Variants in PHLDB2 observed in about 807,000 individuals in gnomAD.
PHLDB2 encodes pleckstrin homology-like domain family B member 2.
Under a neutral mutation model 123.6 loss-of-function variants are expected in PHLDB2, and 71 were observed. The ratio of observed to expected loss-of-function variants is 0.57; its 90% CI spans 0.47 to 0.70. PHLDB2 has a LOEUF of 0.70. Ranked by LOEUF, PHLDB2 falls within the 30% of genes least tolerant of loss-of-function variation. The pLI is 0.00. For missense variants in PHLDB2, 1,446 were observed against 1,519.5 expected (o/e 0.95, Z 0.80); for synonymous variants, 547 against 541.6 (o/e 1.01, Z -0.14).
intron 1 of PHLDB2, among the ~76,000 whole-genome samples, chr3:111,879,121 G>A (rs1158587786): frequency 1.3e-5 from 2 of 152,172 alleles, no homozygotes; most frequent in Admixed American, 1.3e-4. Flanking sequence ...AGTTTCAGAA[G>A]GAATGGTACC....
At chr3:111,855,631 T>C (rs1275310289), upstream of PHLDB2, among the ~76,000 whole-genome samples, 1 of 86,804 alleles carries the variant, frequency 1.2e-5, no homozygotes, top group Non-Finnish European at 2.8e-5. Flanking sequence ...GCATTTGTCT[T>C]TTTTTTTTTT....
intron 12 of PHLDB2, among the ~76,000 whole-genome samples, chr3:111,955,546 G>A (rs2071000594): frequency 6.6e-6 from 1 of 152,108 alleles, no homozygotes; most frequent in African/African-American, 2.4e-5. Flanking sequence ...TGCCACCTGG[G>A]TTCAAGTGAT....
rs749496444 is a variant in PHLDB2 at position 111,974,461 on chromosome 3, T to C, written c.3660T>C (p.His1220=). Residue 1220 remains histidine (H), a synonymous_variant, in exon 18 of 18, where the codon CAT becomes CAC. Transcript: ENST00000431670. ...TACTCACCTTTAGCGTCAAGACTCA[T>C]GACAGAATCTATTATATGGTAGCCC... ...NPLLTFSVKT[H]DRIYYMVAPS... is the part of the protein sequence containing the mutation. The C allele has an allele frequency of 1.9e-6, 3 of 1,613,370 alleles. No individual in the cohort carries two copies. The highest frequency in any genetic ancestry group is 2.2e-5 in the East Asian group (1 of 44,850).
intron 1 of PHLDB2, among the ~76,000 whole-genome samples, chr3:111,870,265 G>T (rs1004531428): frequency 2.6e-5 from 4 of 152,116 alleles, no homozygotes; most frequent in African/African-American, 9.7e-5. Context: ...TGCTTAGAGG[G>T]GGGTGTTTGC....
intron 1 of PHLDB2, among the ~76,000 whole-genome samples, chr3:111,812,481 T>C (rs1483630266): frequency 1.3e-5 from 2 of 152,170 alleles, no homozygotes; most frequent in African/African-American, 4.8e-5. Flanking sequence ...TAACTGAATG[T>C]TTTCATGGAG....
intron 1 of PHLDB2, among the ~76,000 whole-genome samples, chr3:111,762,539 A>T (rs1271540230): frequency 6.6e-6 from 1 of 152,116 alleles, no homozygotes; most frequent in East Asian, 1.9e-4. Context: ...CATCATTCTA[A>T]TCACAGGCCT....
chr3:111,888,612 T>C (rs921608464), intron 2 of PHLDB2, among the ~76,000 whole-genome samples: 4 of 152,214 alleles, frequency 2.6e-5, no homozygotes, highest in African/African-American at 9.6e-5. Flanking sequence ...AAGGTACTAA[T>C]CTCTGTTCTG....
intron 17 of PHLDB2, 129 bp downstream of exon 17, chr3:111,973,946 G>A: frequency 1.9e-6 from 1 of 523,060 alleles, no homozygotes; most frequent in Non-Finnish European, 3.4e-6. Context: ...AATGGTGCTG[G>A]AAAAGTAAAC....
chr3:111,811,165 A>G (rs1435819107), intron 1 of PHLDB2, among the ~76,000 whole-genome samples: 3 of 152,218 alleles, frequency 2.0e-5, no homozygotes, highest in African/African-American at 7.2e-5. Flanking sequence ...TCTTACAGTT[A>G]AAGCCTCCTA....
chr3:111,973,844 C>A, intron 17 of PHLDB2, 27 bp downstream of exon 17: 1 of 1,369,896 alleles, frequency 7.3e-7, no homozygotes, highest in South Asian at 1.3e-5. Flanking sequence ...TAAATTCCTA[C>A]AATTTGAATG....
chr3:111,835,705 A>G (rs958223368), intron 1 of PHLDB2, among the ~76,000 whole-genome samples: 2 of 152,208 alleles, frequency 1.3e-5, no homozygotes, highest in Non-Finnish European at 2.9e-5. Context: ...ACTAGGAATC[A>G]TCTGAAATCT....
intron 1 of PHLDB2, among the ~76,000 whole-genome samples, chr3:111,767,067 A>T (rs200222179): frequency 4.5e-4 from 2 of 4,492 alleles, no homozygotes; most frequent in East Asian, 0.12. Flanking sequence ...GTCCAAAAAC[A>T]GTATTAAAGC....
intron 2 of PHLDB2, among the ~76,000 whole-genome samples, chr3:111,912,458 A>G (rs1257100222): frequency 3.3e-5 from 5 of 152,134 alleles, no homozygotes; most frequent in African/African-American, 9.7e-5. Flanking sequence ...GTGTATCTGG[A>G]CTTCATGTGA....
At chr3:111,966,067 C>T (rs1386739202) in intron 13 of PHLDB2, among the ~76,000 whole-genome samples, 1 of 152,150 alleles carries the variant, frequency 6.6e-6, no homozygotes, top group African/African-American at 2.4e-5. Flanking sequence ...TAATTGGCAT[C>T]ATGATTTAAT....
intron 1 of PHLDB2, among the ~76,000 whole-genome samples, chr3:111,825,728 G>T (rs1047875417): frequency 1.3e-5 from 2 of 152,224 alleles, no homozygotes; most frequent in African/African-American, 4.8e-5. Flanking sequence ...GATTGCCGGG[G>T]TGAGCCACCT....
chr3:111,732,514 G>A (rs1941533248), exon 1 of PHLDB2: 17 of 1,033,244 alleles, frequency 1.6e-5, no homozygotes, highest in African/African-American at 3.2e-5. Context: ...AGTCTGCAGA[G>A]GCCAGAGAGA....
intron 2 of PHLDB2, chr3:111,911,471 T>C: frequency 1.5e-6 from 1 of 685,720 alleles, no homozygotes; most frequent in Non-Finnish European, 2.4e-6. Context: ...ATGTAGACTT[T>C]TCCAGATTGT....
chr3:111,755,747 G>T (rs530619387), intron 1 of PHLDB2, among the ~76,000 whole-genome samples: 10 of 134,880 alleles, frequency 7.4e-5, no homozygotes, highest in Non-Finnish European at 1.4e-4. Context: ...TGATGTTAGG[G>T]TGTCAATTTT....
At chr3:111,860,665 T>G (rs1422752306) in intron 1 of PHLDB2, among the ~76,000 whole-genome samples, 1 of 152,120 alleles carries the variant, frequency 6.6e-6, no homozygotes, top group Non-Finnish European at 1.5e-5. Context: ...CTTACCTTTC[T>G]TATGTAAAAG....
Sources: allele counts gnomAD v4.1 joint callset (sites outside exome capture counted in the v4.1 genomes callset), GRCh38; gene constraint gnomAD v4.1.1; transcripts MANE v1.5; gene names NCBI Gene and HGNC (gene_info 2026-07-23, HGNC 2026-07-21).